Variants in MACF1 observed in about 807,000 individuals in gnomAD.
MACF1 encodes microtubule actin crosslinking factor 1.
Under a neutral mutation model 854.8 loss-of-function variants are expected in MACF1, and 193 were observed. The observed-to-expected ratio is 0.23, with a 90% CI of 0.20 to 0.25. The LOEUF is 0.25. MACF1 is among the 10% of genes least tolerant of loss of function. MACF1 has a pLI of 1.00. For missense variants in MACF1, 7,722 were observed against 8,929.1 expected, an observed-to-expected ratio of 0.86 and a Z score of 5.45; for synonymous variants, 3,185 against 3,226.7, an observed-to-expected ratio of 0.99 and a Z score of 0.44.
chr1:39,322,155 A>G (rs192146982), intron 31 of MACF1, among the ~76,000 whole-genome samples: 25 of 152,312 alleles, frequency 1.6e-4, no homozygotes, highest in Admixed American at 4.6e-4. Context: ...GGAAATTCAC[A>G]TCCCCTCTCT....
chr1:39,430,854 C>A lies in MACF1; in HGVS notation c.17283C>A (p.Asp5761Glu), dbSNP rs775524995. 1.2e-6 allele frequency: 2 copies of A among 1,612,668 alleles called. No individual in the cohort carries two copies. Among genetic ancestry groups the A allele is most frequent in the Admixed American group, 3.3e-5 (2 of 60,012 alleles). ...ACGAGCAGTACAAACTAGTCAGTGA[C>A]ACTATTGGACAAAGGGTGGATGAAA... ...DANEQYKLVS[D>E]TIGQRVDEID... Residue 5761 changes from aspartate to glutamate, a missense_variant, in exon 66 of 101, where the codon GAC becomes GAA. Around this residue, in one of 15 missense-constraint regions of MACF1, gnomAD observed 2,807 missense variants for 3,235.8 expected, o/e 0.87. Coordinates refer to ENST00000564288, the MANE Select transcript of MACF1 (RefSeq NM_001394062.1).
chr1:39,478,177 A>G (rs961115580), intron 97 of MACF1, among the ~76,000 whole-genome samples: 9 of 151,810 alleles, frequency 5.9e-5, no homozygotes, highest in African/African-American at 1.9e-4. Flanking sequence ...TAAATTTTTT[A>G]TTTTTAGTAG....
chr1:39,106,997 A>G (rs1267918997), intron 2 of MACF1, among the ~76,000 whole-genome samples: 2 of 152,064 alleles, frequency 1.3e-5, no homozygotes, highest in African/African-American at 4.8e-5. Context: ...TTTTTAAGAA[A>G]TGTGGTTCAT....
rs529536723 is a variant in MACF1, at chr1:39,280,629, GT to G, written c.529-1578del. On this transcript the variant is annotated intron_variant, in intron 6 of 100. Transcript: ENST00000564288. ...GTCTCACTCTGTCGCCCAGGCTAGGGTGCAGTGGCACAATTTCAGCTCACCA... is the reference window on the plus strand; with the variant it reads ...GTCTCACTCTGTCGCCCAGGCTAGGGGCAGTGGCACAATTTCAGCTCACCA... 9.2e-5 allele frequency among the ~76,000 whole-genome samples: 14 copies of G among 152,042 alleles called. No homozygotes were observed. In the South Asian group the frequency reaches 2.9e-3, roughly 32 times the overall value.
At chr1:39,342,374 C>T (rs1646953466) in intron 40 of MACF1, among the ~76,000 whole-genome samples, 1 of 151,996 alleles carries the variant, frequency 6.6e-6, no homozygotes, top group African/African-American at 2.4e-5. Flanking sequence ...ACACATGTGT[C>T]TTTATGATAG....
intron 58 of MACF1, among the ~76,000 whole-genome samples, chr1:39,417,989 A>G (rs2148628731): frequency 6.6e-6 from 1 of 152,186 alleles, no homozygotes; most frequent in South Asian, 2.1e-4. Context: ...GGAGGCAGAT[A>G]TTAAGAAAAC....
chr1:39,285,337 G>C lies in MACF1; in HGVS notation c.1300G>C (p.Gly434Arg). 1.2e-6 allele frequency: 2 copies of C among 1,614,056 alleles called. No individual in the cohort carries two copies. The highest frequency in any genetic ancestry group is 1.7e-6 in the Non-Finnish European group (2 of 1,180,012). The change falls in exon 13 of 101, where the codon GGT (glycine) becomes CGT (arginine). Residue 434 changes from glycine (G) to arginine (R), a missense_variant. By Grantham distance (125) the Gly-to-Arg change is moderately radical. Transcript: ENST00000564288. ...LLQIANKIQN[G>R]ALNCEEKLTL... Reference sequence around the variant, plus strand: ...ACAGATTGCAAACAAAATCCAGAATGGTGCTTTGAACTGTGAAGAAAAACT... The same window carrying C: ...ACAGATTGCAAACAAAATCCAGAATCGTGCTTTGAACTGTGAAGAAAAACT...
At position 39,359,258 on chromosome 1, in the gene MACF1, A is replaced by G. The variant is rs150440292; in HGVS notation, c.12238A>G (p.Thr4080Ala). The G allele has an allele frequency of 6.0e-5, 97 of 1,614,136 alleles. 1 individual carries two copies. The African/African-American group carries it at 9.9e-4, about 16-fold the overall frequency. Reference sequence around the variant, plus strand: ...CCCAGACCACAGGCATGTTCAAGAAACTACAGGTATAAAGCAGCAACAGTA... The same window carrying G: ...CCCAGACCACAGGCATGTTCAAGAAGCTACAGGTATAAAGCAGCAACAGTA... ...PAPDHRHVQE[T>A]TDSILSHFQS... Residue 4080 changes from threonine to alanine, a missense_variant, in exon 47 of 101, where the codon ACT (threonine) becomes GCT (alanine). Coordinates refer to ENST00000564288, the MANE Select transcript of MACF1 (RefSeq NM_001394062.1).
intron 6 of MACF1, among the ~76,000 whole-genome samples, chr1:39,275,210 C>G (rs1419944743): frequency 6.6e-6 from 1 of 151,812 alleles, no homozygotes; most frequent in Non-Finnish European, 1.5e-5. Flanking sequence ...TCCCGAGTAG[C>G]TGGGACTACA....
rs185201767 is a variant in MACF1, at chr1:39,251,784, C to T, written c.262-62C>T. On this transcript the variant is annotated intron_variant, in intron 3 of 100. Transcript: ENST00000564288. ...TTAAGTGTTGCATTCATTTCCTTTC[C>T]ATCTTTTTATTGTGAATTTCTTGTT... is the stretch of plus-strand genomic sequence containing the variant. 251 of 952,572 alleles carry T rather than the reference C, an allele frequency of 2.6e-4. 1 individual carries two copies. In the African/African-American group the frequency reaches 3.9e-3, roughly 15 times the overall value. The allele number at this position is 952,572 out of a possible 1,614,324, so 59.0% of individuals were successfully genotyped here.
In MACF1 at chr1:39,372,541, T is replaced by G. The variant is rs1281041718; in HGVS notation, c.13158T>G (p.Thr4386=). 6.2e-7 allele frequency: 1 copy of G among 1,613,930 alleles called. No homozygotes were observed. The highest frequency in any genetic ancestry group is 8.5e-7 in the Non-Finnish European group (1 of 1,179,854). Residue 4386 remains threonine (T), a synonymous_variant, in exon 52 of 101, where the codon ACT becomes ACG. Coordinates refer to ENST00000564288, the MANE Select transcript of MACF1 (RefSeq NM_001394062.1). Reference sequence around the variant, plus strand: ...TGGAAGAAATCAATTGCAAAGGTACTTCTTTAGAAAATCTCATCATGGAAA... The same window carrying G: ...TGGAAGAAATCAATTGCAAAGGTACGTCTTTAGAAAATCTCATCATGGAAA... ...TLVEEINCKG[T]SLENLIMEIT... is the part of the protein sequence containing the mutation.
At chr1:39,380,006 T>C (rs1290313373) in intron 54 of MACF1, among the ~76,000 whole-genome samples, 1 of 152,212 alleles carries the variant, frequency 6.6e-6, no homozygotes, top group African/African-American at 2.4e-5. Context: ...AATTCCTTCT[T>C]ATTGAGTTCT....
rs1168560386 is a variant in MACF1, at chr1:39,388,181, G to A, written c.15339G>A (p.Met5113Ile). 2 of 1,614,182 alleles carry A rather than the reference G, an allele frequency of 1.2e-6. No homozygotes were observed. The highest frequency in any genetic ancestry group is 1.7e-6 in the Non-Finnish European group (2 of 1,180,038). Reference sequence around the variant, plus strand: ...AAAGAGTGAACAGTGGTTGTGTGATGATGGAAAACAAGCTGGAGGGGATTG... The same window carrying A: ...AAAGAGTGAACAGTGGTTGTGTGATAATGGAAAACAAGCTGGAGGGGATTG... ...VKQRVNSGCVMMENKLEGIGQ... is the reference protein window; with the variant it reads ...VKQRVNSGCVIMENKLEGIGQ... Residue 5113 changes from methionine to isoleucine, a missense_variant, in exon 58 of 101, where the codon ATG becomes ATA. By Grantham distance (10) the Met-to-Ile change is conservative. Around this residue, in one of 15 missense-constraint regions of MACF1, gnomAD observed 2,807 missense variants for 3,235.8 expected, o/e 0.87. Transcript: ENST00000564288.
rs767581650 is a variant in MACF1, at chr1:39,359,202, G to A, written c.12182G>A (p.Arg4061His). Residue 4061 changes from arginine to histidine, a missense_variant, in exon 47 of 101, where the codon CGT (arginine) becomes CAT (histidine). This residue lies in a region of MACF1 where 2,807 missense variants were observed against 3,235.8 expected (regional missense o/e 0.87). Transcript: ENST00000564288. ...GTGGAAAAACTCCAAAAAGTAGCTC[G>A]TGACATAATGGAAATTGAAGGGGAG... Reference protein sequence around the residue: ...VPVEKLQKVARDIMEIEGEPA... With the variant: ...VPVEKLQKVAHDIMEIEGEPA... 6.8e-6 allele frequency: 11 copies of A among 1,613,990 alleles called. No individual in the cohort carries two copies. The highest frequency in any genetic ancestry group is 2.7e-5 in the African/African-American group (2 of 74,902).
chr1:39,446,593 C>T (rs1644236576), intron 80 of MACF1, among the ~76,000 whole-genome samples: 2 of 151,538 alleles, frequency 1.3e-5, no homozygotes, highest in Non-Finnish European at 2.9e-5. Context: ...CAACAGTTAA[C>T]GTTTTTGGTG....
At chr1:39,374,339 G>C (rs1024824311) in intron 52 of MACF1, among the ~76,000 whole-genome samples, 2 of 152,242 alleles carry the variant, frequency 1.3e-5, no homozygotes, top group African/African-American at 4.8e-5. Flanking sequence ...GTCTGTGATA[G>C]TGCACTCCTA....
At chr1:39,351,191 G>C (rs141216272) in intron 43 of MACF1, among the ~76,000 whole-genome samples, 173 bp downstream of exon 43, 1 of 152,174 alleles carries the variant, frequency 6.6e-6, no homozygotes, top group Non-Finnish European at 1.5e-5. Flanking sequence ...CTGTCACCCA[G>C]GCTGGAGTGC....
In MACF1 at chr1:39,176,606, G is replaced by A. The variant is rs188991001; in HGVS notation, c.221-54576G>A. 2.0e-4 allele frequency among the ~76,000 whole-genome samples: 31 copies of A among 152,174 alleles called. No individual in the cohort carries two copies. In the East Asian group the frequency reaches 3.9e-3, roughly 19 times the overall value. The stretch of plus-strand genomic sequence containing the variant: ...TAGAAAATTTCTGCTTATGCTTGGG[G>A]AGCTAGATATGAATTCTTGTTATAC... On this transcript the variant is annotated intron_variant, in intron 2 of 93. Coordinates refer to the MACF1 transcript ENST00000361689.
Position 39,296,747 on chromosome 1 carries a change from AAAGAAAGG to A in MACF1, c.2355+869_2356-862del, listed in dbSNP as rs1159722760. ...TCTAAATAAAAAGAAAGAAAGAAAG[AAAGAAAGG>A]AAGGAAGGAAGGAAGGAAAAGAAAG... On this transcript the variant is annotated intron_variant, in intron 20 of 100. Coordinates refer to ENST00000564288, the MANE Select transcript of MACF1 (RefSeq NM_001394062.1). Among the ~76,000 whole-genome samples, 64 of 37,998 alleles carry A rather than the reference AAAGAAAGG, an allele frequency of 1.7e-3. 2 individuals are homozygous for A. Among genetic ancestry groups the A allele is most frequent in the Non-Finnish European group, 2.2e-3 (38 of 17,366 alleles). The allele number at this position is 37,998 out of a possible 152,430, so 24.9% of individuals were successfully genotyped here. A position where few individuals can be genotyped will look rare whatever the true frequency, so the allele number is the denominator to read the frequency against.
Sources: gnomAD v4.1 joint callset for allele counts (sites outside exome capture counted in the v4.1 genomes callset) on GRCh38, gnomAD v4.1.1 for gene constraint, gnomAD v4.1.1 regional missense constraint, MANE v1.5 for transcripts, NCBI Gene and HGNC (gene_info 2026-07-23, HGNC 2026-07-21) for gene names.